SERPINB7: variants seen among roughly 807,000 people sequenced by gnomAD.
SERPINB7 encodes the protein serpin B7.
SERPINB7 carries 31 observed loss-of-function variants against 37.4 expected under a neutral mutation model. That is an observed-to-expected ratio of 0.83 (90% CI 0.62 to 1.12). The LOEUF is 1.12. Ranked by LOEUF, SERPINB7 falls within the 50% of genes most tolerant of loss-of-function variation. SERPINB7 has a pLI of 0.00. For missense variants in SERPINB7, 521 were observed against 455.3 expected (o/e 1.14, Z -1.31); for synonymous variants, 163 against 166.1 (o/e 0.98, Z 0.14).
intron 1 of SERPINB7, among the ~76,000 whole-genome samples, chr18:63,756,152 A>C (rs1054193040): frequency 1.3e-5 from 2 of 152,042 alleles, no homozygotes; most frequent in African/African-American, 2.4e-5. Context: ...TTTACACATG[A>C]ACTTTTGAGG....
intron 7 of SERPINB7, among the ~76,000 whole-genome samples, chr18:63,803,836 T>C (rs1416082878): frequency 6.6e-6 from 1 of 152,168 alleles, no homozygotes; most frequent in East Asian, 1.9e-4. Context: ...CATTATTTTA[T>C]CTGTCTTTCA....
intron 1 of SERPINB7, among the ~76,000 whole-genome samples, chr18:63,780,489 T>C (rs760622394): frequency 4.7e-4 from 71 of 152,218 alleles, no homozygotes; most frequent in Non-Finnish European, 8.4e-4. Context: ...GCTGCCCTTT[T>C]CCTGCCAACT....
At chr18:63,755,039 A>G (rs533556127) in intron 1 of SERPINB7, among the ~76,000 whole-genome samples, 4,393 of 151,780 alleles carry the variant, frequency 0.029, 16 homozygotes, top group Non-Finnish European at 0.046. Context: ...AGCTGGGACT[A>G]CAGGCGCCCG....
At chr18:63,765,543 C>A (rs537694452) in intron 1 of SERPINB7, among the ~76,000 whole-genome samples, 2 of 152,280 alleles carry the variant, frequency 1.3e-5, no homozygotes, top group South Asian at 4.1e-4. Flanking sequence ...AGCTTCCCTT[C>A]CCATTTAGGA....
chr18:63,769,660 A>G (rs1259995746), intron 1 of SERPINB7, among the ~76,000 whole-genome samples: 1 of 152,146 alleles, frequency 6.6e-6, no homozygotes, highest in Non-Finnish European at 1.5e-5. Context: ...TTTAATTGTC[A>G]AAATCTTTGT....
intron 2 of SERPINB7, among the ~76,000 whole-genome samples, chr18:63,791,689 C>T (rs2049429209): frequency 6.6e-6 from 1 of 152,080 alleles, no homozygotes; most frequent in Admixed American, 6.5e-5. Flanking sequence ...CGGCTCACTG[C>T]AAGCTCTACC....
At chr18:63,772,931 T>C (rs1309526075), upstream of SERPINB7, among the ~76,000 whole-genome samples, 1 of 152,150 alleles carries the variant, frequency 6.6e-6, no homozygotes, top group Non-Finnish European at 1.5e-5. Flanking sequence ...TTATATCATG[T>C]TATTTATTGC....
intron 1 of SERPINB7, among the ~76,000 whole-genome samples, chr18:63,758,763 C>T (rs1011335644): frequency 2.0e-5 from 3 of 152,150 alleles, no homozygotes; most frequent in South Asian, 4.1e-4. Flanking sequence ...GCCCTCTACC[C>T]CCTCACCAAG....
At chr18:63,791,577 AT>A (rs921991906) in intron 2 of SERPINB7, among the ~76,000 whole-genome samples, 37 of 152,126 alleles carry the variant, frequency 2.4e-4, no homozygotes, top group African/African-American at 8.7e-4. Flanking sequence ...AGGCTTATTC[AT>A]TCCATAAATC....
intron 1 of SERPINB7, among the ~76,000 whole-genome samples, chr18:63,779,912 A>G (rs1453148292): frequency 1.3e-5 from 2 of 152,152 alleles, no homozygotes; most frequent in African/African-American, 4.8e-5. Flanking sequence ...TAAAACAACA[A>G]GAAGAATTGG....
intron 1 of SERPINB7, among the ~76,000 whole-genome samples, chr18:63,755,056 C>T (rs904506684): frequency 4.0e-5 from 6 of 151,862 alleles, no homozygotes; most frequent in South Asian, 4.1e-4. Context: ...CCCGCCACCG[C>T]GCCCGGCTAA....
chr18:63,782,308 C>T, intron 1 of SERPINB7, 47 bp from the exon 2 acceptor site: 1 of 1,132,294 alleles, frequency 8.8e-7, no homozygotes, highest in Non-Finnish European at 1.2e-6. Context: ...TATAATATTC[C>T]TAGAAAATGT....
intron 2 of SERPINB7, among the ~76,000 whole-genome samples, chr18:63,790,869 G>A (rs1451370251): frequency 6.6e-6 from 1 of 152,160 alleles, no homozygotes; most frequent in African/African-American, 2.4e-5. Context: ...ATTCACAATA[G>A]CAAAGACTTG....
At chr18:63,763,341 C>T (rs2049164586) in intron 1 of SERPINB7, among the ~76,000 whole-genome samples, 1 of 152,158 alleles carries the variant, frequency 6.6e-6, no homozygotes, top group South Asian at 2.1e-4. Context: ...AATTTAGTTA[C>T]TAGAATAAAC....
intron 6 of SERPINB7, among the ~76,000 whole-genome samples, chr18:63,799,840 T>A (rs118099916): frequency 6.6e-6 from 1 of 152,328 alleles, no homozygotes; most frequent in African/African-American, 2.4e-5. Flanking sequence ...CCATGTAGGA[T>A]GTTTTTTCCT....
At chr18:63,758,211 G>A (rs951560447) in intron 1 of SERPINB7, among the ~76,000 whole-genome samples, 5 of 152,132 alleles carry the variant, frequency 3.3e-5, no homozygotes, top group Non-Finnish European at 7.3e-5. Flanking sequence ...ATCTTAAAAT[G>A]TTAAAAGATA....
upstream of SERPINB7, chr18:63,775,298 A>G (rs958402311): frequency 3.3e-5 from 5 of 152,164 alleles, no homozygotes; most frequent in African/African-American, 9.7e-5. Context: ...CTACATAACA[A>G]CCACCTTAGT....
chr18:63,798,480 T>C (rs1052331378), intron 5 of SERPINB7, 124 bp from the exon 6 acceptor site: 1 of 704,916 alleles, frequency 1.4e-6, no homozygotes, highest in Non-Finnish European at 2.3e-6. Flanking sequence ...TAGGTTATTC[T>C]TAATATTCTT....
intron 6 of SERPINB7, among the ~76,000 whole-genome samples, chr18:63,799,942 A>G (rs2089319): frequency 0.16 from 24,830 of 152,252 alleles, 2,234 homozygotes; most frequent in Non-Finnish European, 0.2. Context: ...CTCTAAATCT[A>G]TAAATGATAT....
Sources: gnomAD v4.1 joint callset for allele counts (sites outside exome capture counted in the v4.1 genomes callset) on GRCh38, gnomAD v4.1.1 for gene constraint, MANE v1.5 for transcripts, NCBI Gene and HGNC (gene_info 2026-07-23, HGNC 2026-07-21) for gene names.